The following DNAJB6 variants were observed in gnomAD, a reference collection of about 807,000 sequenced individuals.
The protein encoded by DNAJB6 is dnaJ homolog subfamily B member 6.
Under a neutral mutation model 42.7 loss-of-function variants are expected in DNAJB6, and 16 were observed. That is an observed-to-expected ratio of 0.37 (90% CI 0.25 to 0.57). The LOEUF is 0.57. Among genes scored for constraint, DNAJB6 ranks in the 20% least tolerant of loss-of-function variants. The probability of loss-of-function intolerance (pLI) is 0.74; values close to 1 mark genes in which losing one functional copy is unlikely to be tolerated. For synonymous variants in DNAJB6, 170 were observed against 163.5 expected (o/e 1.04, Z -0.30); for missense variants, 347 against 416.8 (o/e 0.83, Z 1.46).
At chr7:157,353,619 G>GTGTA (rs1554453984) in intron 1 of DNAJB6, among the ~76,000 whole-genome samples, 105 of 146,950 alleles carry the variant, frequency 7.1e-4, no homozygotes, top group African/African-American at 2.4e-3. Flanking sequence ...GTGTGTGTGT[G>GTGTA]TGTATGTATT....
chr7:157,386,763 A>G (rs557044216), intron 8 of DNAJB6, among the ~76,000 whole-genome samples: 2 of 152,116 alleles, frequency 1.3e-5, no homozygotes, highest in Admixed American at 1.3e-4. Context: ...AGGCGCCTGT[A>G]ATCCCAGCTA....
At chr7:157,391,319 C>T (rs1270609036) in intron 8 of DNAJB6, among the ~76,000 whole-genome samples, 8 of 152,190 alleles carry the variant, frequency 5.3e-5, no homozygotes, top group African/African-American at 1.4e-4. Context: ...AACCTCTTAC[C>T]CAAAACTTCC....
At chr7:157,346,541 T>G (rs753230000) in intron 1 of DNAJB6, among the ~76,000 whole-genome samples, 9 of 152,216 alleles carry the variant, frequency 5.9e-5, no homozygotes, top group Non-Finnish European at 8.8e-5. Context: ...TTTATCAGTT[T>G]TTTTTAAACA....
At position 157,346,316 on chromosome 7, in the gene DNAJB6, T is replaced by TAAAAA. The variant is rs60806134; in HGVS notation, c.-27+9189_-27+9193dup. Among the ~76,000 whole-genome samples, 293 of 117,694 alleles carry TAAAAA rather than the reference T, an allele frequency of 2.5e-3. 21 individuals carry two copies. The East Asian group carries it at 0.049, about 20-fold the overall frequency. 77.2% of individuals were successfully genotyped at this position (117,694 alleles called of 152,430 possible). On this transcript the variant is annotated intron_variant, in intron 1 of 9. Transcript: ENST00000262177. ...GGTAGCCCTGCTCTGCAAGGAGTAG[T>TAAAAA]AAAAAAAAAAAAAAAAAAAAAGTTA...
chr7:157,414,051 T>G (rs1044267666), intron 9 of DNAJB6: 4 of 152,086 alleles, frequency 2.6e-5, no homozygotes, highest in Admixed American at 6.5e-5. Flanking sequence ...CACCGGAAAG[T>G]GGTTTCCTTG....
At chr7:157,369,409 A>G (rs12672981) in intron 5 of DNAJB6, 220,324 of 456,312 alleles carry the variant, frequency 0.48, 54,179 homozygotes, top group Middle Eastern at 0.52. Flanking sequence ...GGTGATTCTC[A>G]TGGTGACCAA....
At chr7:157,351,036 G>A (rs1034980929) in intron 1 of DNAJB6, among the ~76,000 whole-genome samples, 2 of 151,756 alleles carry the variant, frequency 1.3e-5, no homozygotes, top group Non-Finnish European at 2.9e-5. Flanking sequence ...CCAGGTTCAA[G>A]CAATTCTCCT....
At chr7:157,367,567 C>T in intron 5 of DNAJB6, 84 bp downstream of exon 5, 1 of 911,568 alleles carries the variant, frequency 1.1e-6, no homozygotes, top group Non-Finnish European at 1.8e-6. Flanking sequence ...GTTGAATTAA[C>T]ATTGTATTTT....
At chr7:157,352,018 CAAAAA>C (rs959292435) in intron 1 of DNAJB6, among the ~76,000 whole-genome samples, 4 of 150,358 alleles carry the variant, frequency 2.7e-5, no homozygotes, top group Non-Finnish European at 5.9e-5. Context: ...AACAAACAAA[CAAAAA>C]AACAAAACTT....
rs569399083 is a variant in DNAJB6 at position 157,369,451 on chromosome 7, T to G, written c.346+1968T>G. 2,537 of 456,596 alleles carry G rather than the reference T, an allele frequency of 5.6e-3. 45 individuals are homozygous for G. The highest frequency in any genetic ancestry group is 0.047 in the African/African-American group (2,354 of 50,178). The allele number at this position is 456,596 out of a possible 1,614,324, so 28.3% of individuals were successfully genotyped here. A position where few individuals can be genotyped will look rare whatever the true frequency, so the allele number is the denominator to read the frequency against. On this transcript the variant is annotated intron_variant, in intron 5 of 9. Coordinates refer to ENST00000262177, the MANE Select transcript of DNAJB6 (RefSeq NM_058246.4). The stretch of plus-strand genomic sequence containing the variant: ...AAGAAGGCCCGCTCTTCCAACACCA[T>G]GGCTTCTCTTCTGGGGCACACGAGG...
intron 5 of DNAJB6, 26 bp downstream of exon 5, chr7:157,367,509 G>GGT (rs756739168): frequency 1.5e-6 from 2 of 1,365,118 alleles, no homozygotes; most frequent in Non-Finnish European, 1.0e-6. Context: ...GGGTTGACTT[G>GGT]GTGTGTGTCC....
chr7:157,366,677 TAGAA>T, intron 4 of DNAJB6, 116 bp downstream of exon 4: 1 of 927,140 alleles, frequency 1.1e-6, no homozygotes, highest in Middle Eastern at 2.1e-4. Flanking sequence ...AGATGCAACG[TAGAA>T]AGCGAACTAA....
chr7:157,399,435 C>T (rs555668246), intron 8 of DNAJB6, among the ~76,000 whole-genome samples: 12 of 152,320 alleles, frequency 7.9e-5, no homozygotes, highest in East Asian at 5.8e-4. Context: ...AAGGTTAGGA[C>T]GGCATTTTCA....
chr7:157,378,735 T>C (rs987006902), intron 5 of DNAJB6: 9 of 152,194 alleles, frequency 5.9e-5, no homozygotes, highest in Non-Finnish European at 1.2e-4. Context: ...AATAAAAATA[T>C]TGGTTTTATT....
chr7:157,374,092 A>G (rs1002729176), intron 5 of DNAJB6, among the ~76,000 whole-genome samples: 5 of 151,712 alleles, frequency 3.3e-5, no homozygotes, highest in Admixed American at 3.3e-4. Context: ...TGTTGGAACC[A>G]TCCTTGTGTG....
At position 157,342,552 on chromosome 7, in the gene DNAJB6, C is replaced by T. The variant is rs140465428; in HGVS notation, c.-27+5408C>T. The stretch of plus-strand genomic sequence containing the variant: ...GGGTTTTGCCCTGTCCAACTCCTGA[C>T]CTCAGGTCATCCGCCTGCCTTGGCC... On this transcript the variant is annotated intron_variant, in intron 1 of 9. Coordinates refer to ENST00000262177, the MANE Select transcript of DNAJB6 (RefSeq NM_058246.4). Among the ~76,000 whole-genome samples, 648 of 151,936 alleles carry T rather than the reference C, an allele frequency of 4.3e-3. 5 individuals carry two copies. Among genetic ancestry groups the T allele is most frequent in the African/African-American group, 0.015 (618 of 41,474 alleles).
rs146779424 is a variant in DNAJB6, at chr7:157,416,296, C to T, written c.*198C>T. ...TGACGGCACGGGTGGCGGGGACAGA[C>T]GTTTGGGACTTGGCCGCGACTCTCT... is the stretch of plus-strand genomic sequence containing the variant. On this transcript the variant is annotated 3_prime_UTR_variant, in exon 10 of 10. Transcript: ENST00000262177. 3.7e-4 allele frequency: 275 copies of T among 743,634 alleles called. No homozygotes were observed. The highest frequency in any genetic ancestry group is 8.1e-4 in the Middle Eastern group (2 of 2,464). 46.1% of individuals were successfully genotyped at this position (743,634 alleles called of 1,614,324 possible). A position where few individuals can be genotyped will look rare whatever the true frequency, so the allele number is the denominator to read the frequency against.
rs1203774806 is a variant in DNAJB6 at position 157,404,516 on chromosome 7, C to CT, written c.692-5267dup. Among the ~76,000 whole-genome samples the CT allele has an allele frequency of 4.3e-3, 321 of 74,170 alleles. 3 individuals are homozygous for CT. The highest frequency in any genetic ancestry group is 0.018 in the Middle Eastern group (2 of 114). 48.7% of individuals were successfully genotyped at this position (74,170 alleles called of 152,430 possible). A position where few individuals can be genotyped will look rare whatever the true frequency, so the allele number is the denominator to read the frequency against. On this transcript the variant is annotated intron_variant, in intron 8 of 9. Transcript: ENST00000262177. Reference sequence around the variant, plus strand: ...AGATGGGGTCTGTCTTTTTTCTTTTCTTTTTTTTTTTTGGTAAGGAGTCTC... The same window carrying CT: ...AGATGGGGTCTGTCTTTTTTCTTTTCTTTTTTTTTTTTTGGTAAGGAGTCTC...
Position 157,358,480 on chromosome 7 carries a change from C to A in DNAJB6, c.-26-67C>A, listed in dbSNP as rs569838088. ...ACCACCCCTTCCTCCCTCTCCAGACCCATCCCACCACCGTGATTTGCCCAT... is the reference window on the plus strand; with the variant it reads ...ACCACCCCTTCCTCCCTCTCCAGACACATCCCACCACCGTGATTTGCCCAT... On this transcript the variant is annotated intron_variant, in intron 1 of 9. Transcript: ENST00000262177. 116 of 1,031,510 alleles carry A rather than the reference C, an allele frequency of 1.1e-4. 1 individual carries two copies. Among genetic ancestry groups the A allele is most frequent in the Non-Finnish European group, 1.5e-4 (102 of 660,950 alleles). The allele number at this position is 1,031,510 out of a possible 1,614,324, so 63.9% of individuals were successfully genotyped here.
Sources: allele counts gnomAD v4.1 joint callset (sites outside exome capture counted in the v4.1 genomes callset), GRCh38; gene constraint gnomAD v4.1.1; transcripts MANE v1.5; gene names NCBI Gene and HGNC (gene_info 2026-07-23, HGNC 2026-07-21).